The following PRR5L variants were observed in gnomAD, a reference collection of about 807,000 sequenced individuals.
PRR5L encodes proline rich 5 like.
Under a neutral mutation model 36.4 loss-of-function variants are expected in PRR5L, and 21 were observed. The observed-to-expected ratio is 0.58, with a 90% confidence interval of 0.41 to 0.83. The LOEUF is 0.83. Ranked by LOEUF, PRR5L falls within the 40% of genes least tolerant of loss-of-function variation. PRR5L has a pLI of 0.00. For synonymous variants in PRR5L, 188 were observed against 197.0 expected (o/e 0.95, Z 0.38); for missense variants, 381 against 473.3 (o/e 0.80, Z 1.81).
chr11:36,373,979 G>A (rs1023616011), intron 1 of PRR5L, among the ~76,000 whole-genome samples: 40 of 152,254 alleles, frequency 2.6e-4, no homozygotes, highest in African/African-American at 7.9e-4. Context: ...TAACTGAACC[G>A]ATCCCTTATA....
intron 1 of PRR5L, among the ~76,000 whole-genome samples, chr11:36,332,621 G>A (rs1293994235): frequency 6.6e-6 from 1 of 152,132 alleles, no homozygotes; most frequent in African/African-American, 2.4e-5. Flanking sequence ...TGGAGGTGGG[G>A]CCTGGTGGGA....
intron 6 of PRR5L, among the ~76,000 whole-genome samples, chr11:36,443,660 A>G (rs1314444351): frequency 1.3e-5 from 2 of 152,244 alleles, no homozygotes; most frequent in Non-Finnish European, 2.9e-5. Flanking sequence ...ATCATCATCA[A>G]TATCATTATT....
intron 2 of PRR5L, 79 bp downstream of exon 2, chr11:36,401,364 G>A: frequency 7.2e-7 from 1 of 1,384,126 alleles, no homozygotes; most frequent in Non-Finnish European, 9.9e-7. Flanking sequence ...GGCTGACTGA[G>A]CTTCTGCTGA....
intron 8 of PRR5L, among the ~76,000 whole-genome samples, chr11:36,455,038 A>G (rs956593068): frequency 1.3e-5 from 2 of 152,160 alleles, no homozygotes; most frequent in Admixed American, 1.3e-4. Flanking sequence ...GGCCCTCCCG[A>G]GCACACACTC....
intron 8 of PRR5L, among the ~76,000 whole-genome samples, chr11:36,459,554 A>G (rs1347739493): frequency 2.0e-5 from 3 of 152,186 alleles, no homozygotes; most frequent in Non-Finnish European, 4.4e-5. Flanking sequence ...CTCCAGTCCC[A>G]GCTTTGCCTC....
At chr11:36,405,084 C>T (rs1194625221) in intron 3 of PRR5L, among the ~76,000 whole-genome samples, 2 of 152,166 alleles carry the variant, frequency 1.3e-5, no homozygotes, top group African/African-American at 4.8e-5. Context: ...TACTTAAAAG[C>T]TCTGTTTGTG....
rs57025159 is a variant in PRR5L at position 36,410,423 on chromosome 11, TG to T, written c.245+7051del. On this transcript the variant is annotated intron_variant, in intron 3 of 8. Coordinates refer to ENST00000530639, the MANE Select transcript of PRR5L (RefSeq NM_001160167.2). ...TCTTTGCCTGCCTGCCCCTGTGGCA[TG>T]GGGGGTACCACTGCCTGATTAGGTT... 3.8e-3 allele frequency among the ~76,000 whole-genome samples: 576 copies of T among 152,206 alleles called. 2 individuals are homozygous for T. Among genetic ancestry groups the T allele is most frequent in the African/African-American group, 0.013 (545 of 41,530 alleles).
At chr11:36,365,133 C>T (rs1857131266) in intron 1 of PRR5L, among the ~76,000 whole-genome samples, 1 of 152,172 alleles carries the variant, frequency 6.6e-6, no homozygotes, top group South Asian at 2.1e-4. Context: ...TAGATCATAT[C>T]TGTTAGGTCT....
chr11:36,412,579 T>A (rs1858048888), intron 3 of PRR5L, among the ~76,000 whole-genome samples: 1 of 152,208 alleles, frequency 6.6e-6, no homozygotes, highest in Non-Finnish European at 1.5e-5. Flanking sequence ...CTTCCCTGCA[T>A]CTAGGGAACC....
Position 36,298,630 on chromosome 11 carries a change from C to T in PRR5L, c.-126+2192C>T, listed in dbSNP as rs1396960249. On this transcript the variant is annotated intron_variant, in intron 1 of 8. Coordinates refer to ENST00000530639, the MANE Select transcript of PRR5L (RefSeq NM_001160167.2). ...GCAGCTGTAAATATGGATGAAGCTTCGTGCTCTCTCTGTCCCTGCTGTGTG... is the reference window on the plus strand; with the variant it reads ...GCAGCTGTAAATATGGATGAAGCTTTGTGCTCTCTCTGTCCCTGCTGTGTG... 2.6e-5 allele frequency among the ~76,000 whole-genome samples: 4 copies of T among 152,228 alleles called. No individual in the cohort carries two copies. The East Asian group carries it at 5.8e-4, about 22-fold the overall frequency.
chr11:36,408,757 C>A (rs7122699), intron 3 of PRR5L, among the ~76,000 whole-genome samples: 46,125 of 152,014 alleles, frequency 0.3, 9,184 homozygotes, highest in African/African-American at 0.58. Flanking sequence ...TTTTCTGCCA[C>A]CTCTCCCACT....
At chr11:36,316,483 G>A (rs1856558669) in intron 1 of PRR5L, among the ~76,000 whole-genome samples, 1 of 152,166 alleles carries the variant, frequency 6.6e-6, no homozygotes, top group Admixed American at 6.6e-5. Context: ...AGAGAATTTA[G>A]CAAGTAGGGG....
intron 1 of PRR5L, among the ~76,000 whole-genome samples, chr11:36,308,795 A>C (rs1032435427): frequency 6.6e-6 from 1 of 152,184 alleles, no homozygotes; most frequent in Middle Eastern, 3.2e-3. Flanking sequence ...GCTTTAAATA[A>C]TGCTTGCACT....
intron 1 of PRR5L, among the ~76,000 whole-genome samples, chr11:36,348,132 C>A (rs537556949): frequency 6.6e-6 from 1 of 152,060 alleles, no homozygotes; most frequent in Non-Finnish European, 1.5e-5. Flanking sequence ...CTAACAGCTG[C>A]GGGAGTAGTC....
intron 6 of PRR5L, among the ~76,000 whole-genome samples, chr11:36,441,754 C>T (rs997898023): frequency 2.0e-5 from 3 of 152,166 alleles, no homozygotes; most frequent in Non-Finnish European, 4.4e-5. Flanking sequence ...GGCACCCAGG[C>T]TTTTCTATAC....
At chr11:36,342,114 G>A (rs1331670215) in intron 1 of PRR5L, among the ~76,000 whole-genome samples, 5 of 152,202 alleles carry the variant, frequency 3.3e-5, no homozygotes, top group Non-Finnish European at 7.3e-5. Flanking sequence ...GCAGACTCAA[G>A]GTGGGTCGGC....
At chr11:36,351,756 T>C (rs1856975948) in intron 1 of PRR5L, among the ~76,000 whole-genome samples, 1 of 38,644 alleles carries the variant, frequency 2.6e-5, no homozygotes, top group Non-Finnish European at 4.6e-5. Flanking sequence ...AATTTATATA[T>C]ATTTATATAT....
At chr11:36,455,878 G>A (rs1393816099) in intron 8 of PRR5L, among the ~76,000 whole-genome samples, 4 of 152,214 alleles carry the variant, frequency 2.6e-5, no homozygotes, top group Non-Finnish European at 5.9e-5. Flanking sequence ...AGGAAACGCT[G>A]TCTGCCCGGG....
chr11:36,309,385 G>A (rs1303284964), intron 1 of PRR5L, among the ~76,000 whole-genome samples: 2 of 152,208 alleles, frequency 1.3e-5, no homozygotes, highest in Admixed American at 6.5e-5. Context: ...TTTAGCTCAC[G>A]TCTAGTCTGT....
Sources: allele counts gnomAD v4.1 joint callset (sites outside exome capture counted in the v4.1 genomes callset), GRCh38; gene constraint gnomAD v4.1.1; transcripts MANE v1.5; gene names NCBI Gene and HGNC (gene_info 2026-07-23, HGNC 2026-07-21).